NOL4L: variants seen among roughly 807,000 people sequenced by gnomAD.
NOL4L encodes nucleolar protein 4 like, also known as nucleolar protein 4-like.
In NOL4L, 7 loss-of-function variants were observed where a neutral mutation model predicts 64.5. The ratio of observed to expected loss-of-function variants is 0.11; its 90% CI spans 0.06 to 0.20. The LOEUF is 0.20. Ranked by LOEUF, NOL4L falls within the 10% of genes least tolerant of loss-of-function variation. The pLI is 1.00. For missense variants in NOL4L, 680 were observed against 967.1 expected (o/e 0.70, Z 3.94); for synonymous variants, 413 against 401.0 (o/e 1.03, Z -0.36).
At chr20:32,514,417 G>C (rs1048675041) in intron 3 of NOL4L, among the ~76,000 whole-genome samples, 1 of 152,154 alleles carries the variant, frequency 6.6e-6, no homozygotes, top group East Asian at 1.9e-4. Context: ...ACTGGAACCC[G>C]GGAGGTGGAG....
intron 4 of NOL4L, among the ~76,000 whole-genome samples, chr20:32,502,052 A>C (rs2016943123): frequency 6.6e-6 from 1 of 152,256 alleles, no homozygotes; most frequent in Non-Finnish European, 1.5e-5. Flanking sequence ...AGGAGAAATA[A>C]TAAGTGTATT....
chr20:32,515,021 C>G (rs1299795257), intron 3 of NOL4L, among the ~76,000 whole-genome samples: 1 of 152,134 alleles, frequency 6.6e-6, no homozygotes, highest in Non-Finnish European at 1.5e-5. Flanking sequence ...CTGATGGTCG[C>G]CCCTGTCCTG....
intron 4 of NOL4L, among the ~76,000 whole-genome samples, chr20:32,506,038 C>G (rs1324972583): frequency 6.6e-6 from 1 of 152,146 alleles, no homozygotes; most frequent in Non-Finnish European, 1.5e-5. Flanking sequence ...TAAAATGGCA[C>G]ATTTTAGGTT....
chr20:32,527,054 A>G (rs943755895), intron 2 of NOL4L, among the ~76,000 whole-genome samples: 2 of 152,030 alleles, frequency 1.3e-5, no homozygotes, highest in Non-Finnish European at 2.9e-5. Flanking sequence ...TGCCTCCCCA[A>G]AGCGTAGAAT....
chr20:32,577,496 C>A (rs981575768), intron 1 of NOL4L, among the ~76,000 whole-genome samples: 2 of 152,196 alleles, frequency 1.3e-5, no homozygotes, highest in East Asian at 1.9e-4. Context: ...CAGCAAGAGA[C>A]CCTGAGTCTG....
chr20:32,509,897 A>G, intron 4 of NOL4L: 4 of 1,304,306 alleles, frequency 3.1e-6, no homozygotes, highest in Middle Eastern at 2.1e-4. Context: ...GAGCACGGTG[A>G]TAACAGTGTT....
intron 4 of NOL4L, among the ~76,000 whole-genome samples, chr20:32,509,271 A>C (rs1427482580): frequency 6.6e-6 from 1 of 152,056 alleles, no homozygotes; most frequent in Non-Finnish European, 1.5e-5. Context: ...GAATCTCAGC[A>C]CTTTGGGAGG....
In NOL4L at chr20:32,584,473, C is replaced by T. The variant is rs6119910; in HGVS notation, c.321+97G>A. 1.0e-3 allele frequency: 1,054 copies of T among 1,004,672 alleles called. 7 individuals are homozygous for T. In the African/African-American group the frequency reaches 0.017, roughly 17 times the overall value. 62.2% of individuals were successfully genotyped at this position (1,004,672 alleles called of 1,614,324 possible). A position where few individuals can be genotyped will look rare whatever the true frequency, so the allele number is the denominator to read the frequency against. On this transcript the variant is annotated intron_variant, in intron 1 of 10. Transcript: ENST00000621426. ...CGACACACGGACAACCTCAGGGACA[C>T]ACGTTCGGACACACATCCACACCCC...
chr20:32,500,870 T>C (rs1203411510), intron 4 of NOL4L, among the ~76,000 whole-genome samples: 1 of 152,202 alleles, frequency 6.6e-6, no homozygotes, highest in Non-Finnish European at 1.5e-5. Context: ...AAGTATTGAA[T>C]GATCATCAAA....
At chr20:32,549,950 C>T (rs1247403408) in intron 1 of NOL4L, among the ~76,000 whole-genome samples, 1 of 152,114 alleles carries the variant, frequency 6.6e-6, no homozygotes. Flanking sequence ...AACACAAAAA[C>T]TTGTACATGA....
rs1296592365 is a variant in NOL4L at position 32,494,282 on chromosome 20, A to C, written c.699+17065T>G. Among the ~76,000 whole-genome samples the C allele has an allele frequency of 8.6e-4, 50 of 57,888 alleles. 2 individuals are homozygous for C. The highest frequency in any genetic ancestry group is 4.2e-3 in the Admixed American group (20 of 4,760). The allele number at this position is 57,888 out of a possible 152,430, so 38.0% of individuals were successfully genotyped here. On this transcript the variant is annotated intron_variant, in intron 4 of 10. Coordinates refer to ENST00000621426, the MANE Select transcript of NOL4L (RefSeq NM_001256798.2). ...AAAAAAAAAAAAAAAAAAAAAAAAAACACACAACACACACACACACACAAA... is the reference window on the plus strand; with the variant it reads ...AAAAAAAAAAAAAAAAAAAAAAAAACCACACAACACACACACACACACAAA...
At chr20:32,543,274 G>A (rs1336291002) in intron 1 of NOL4L, among the ~76,000 whole-genome samples, 1 of 152,144 alleles carries the variant, frequency 6.6e-6, no homozygotes, top group Non-Finnish European at 1.5e-5. Context: ...ACCAGAAAGG[G>A]TGATACCCAG....
chr20:32,463,723 C>T lies in NOL4L; in HGVS notation c.842-7328G>A, dbSNP rs1005272563. Among the ~76,000 whole-genome samples the T allele has an allele frequency of 1.3e-5, 2 of 152,244 alleles. No individual in the cohort carries two copies. Among genetic ancestry groups the T allele is most frequent in the Non-Finnish European group, 2.9e-5 (2 of 68,040 alleles). The stretch of plus-strand genomic sequence containing the variant: ...CCCTTTTACCTCAGCAAACAATGCC[C>T]TTATGTGGGCGCCAGTGCCCCGCAG... On this transcript the variant is annotated intron_variant, in intron 5 of 10. Coordinates refer to ENST00000621426, the MANE Select transcript of NOL4L (RefSeq NM_001256798.2). This position sits in a 1 kb window ranked among gnomAD's most constrained non-coding sequence, Gnocchi z 5.8.
At chr20:32,461,349 C>T (rs1304148977) in intron 5 of NOL4L, among the ~76,000 whole-genome samples, 1 of 151,846 alleles carries the variant, frequency 6.6e-6, no homozygotes, top group Non-Finnish European at 1.5e-5. Flanking sequence ...CAGGGCTCTG[C>T]GTAAAGGTCA....
intron 4 of NOL4L, among the ~76,000 whole-genome samples, chr20:32,488,867 C>A (rs1487909200): frequency 2.4e-5 from 2 of 82,534 alleles, no homozygotes; most frequent in Admixed American, 2.7e-4. Flanking sequence ...TTCTTTCTTT[C>A]TTTCTTTCTT....
chr20:32,513,256 C>T lies in NOL4L; in HGVS notation c.590-1800G>A, dbSNP rs532201695. Reference sequence around the variant, plus strand: ...AGGTCCAGGAGGACCAGAGGATATCCGGGGGTGACTTATAATACCTGCCCC... The same window carrying T: ...AGGTCCAGGAGGACCAGAGGATATCTGGGGGTGACTTATAATACCTGCCCC... On this transcript the variant is annotated intron_variant, in intron 3 of 10. Transcript: ENST00000621426. Among the ~76,000 whole-genome samples, 192 of 151,900 alleles carry T rather than the reference C, an allele frequency of 1.3e-3. 2 individuals carry two copies. Among genetic ancestry groups the T allele is most frequent in the Non-Finnish European group, 1.7e-3 (118 of 67,952 alleles).
chr20:32,503,612 A>G (rs767441089), intron 4 of NOL4L, among the ~76,000 whole-genome samples: 11 of 152,236 alleles, frequency 7.2e-5, no homozygotes, highest in Non-Finnish European at 1.6e-4. Flanking sequence ...CAGATGCTCA[A>G]AGTTTGAACA....
chr20:32,475,700 C>G (rs947376265), intron 4 of NOL4L, among the ~76,000 whole-genome samples: 14 of 152,228 alleles, frequency 9.2e-5, no homozygotes, highest in African/African-American at 2.4e-4. Context: ...TGGCCTCCCC[C>G]CAGCAAGACA....
chr20:32,469,437 T>A (rs2014842268), intron 5 of NOL4L, among the ~76,000 whole-genome samples: 1 of 151,778 alleles, frequency 6.6e-6, no homozygotes, highest in Admixed American at 6.6e-5. Context: ...AATGGTGTGG[T>A]CTCGGCTTAC....
Sources: gnomAD v4.1 joint callset for allele counts (sites outside exome capture counted in the v4.1 genomes callset) on GRCh38, gnomAD v4.1.1 for gene constraint, Gnocchi (gnomAD v3.1) non-coding constraint, MANE v1.5 for transcripts, NCBI Gene and HGNC (gene_info 2026-07-23, HGNC 2026-07-21) for gene names.